Variants in GALNT17 observed in about 807,000 individuals in gnomAD.
The protein encoded by GALNT17 is UDP-GalNAc:polypeptide N-acetylgalactosaminyltransferase-like 3.
Under a neutral mutation model 63.7 loss-of-function variants are expected in GALNT17, and 29 were observed. The observed-to-expected ratio is 0.46, with a 90% CI of 0.34 to 0.62. The LOEUF (loss-of-function observed/expected upper bound fraction) is 0.62. Among genes scored for constraint, GALNT17 ranks in the 20% least tolerant of loss-of-function variants. The probability of loss-of-function intolerance (pLI) is 0.01; values close to 1 mark genes in which losing one functional copy is unlikely to be tolerated. For missense variants in GALNT17, 603 were observed against 799.6 expected, an observed-to-expected ratio of 0.75 and a Z score of 2.97; for synonymous variants, 305 against 318.3, an observed-to-expected ratio of 0.96 and a Z score of 0.45.
rs747181057 is a variant in GALNT17 at position 71,185,522 on chromosome 7, C to CTT, written c.238+52499_238+52500dup. Among the ~76,000 whole-genome samples the CTT allele has an allele frequency of 4.1e-3, 505 of 124,590 alleles. 9 individuals are homozygous for CTT. The highest frequency in any genetic ancestry group is 0.011 in the African/African-American group (349 of 31,996). The allele number at this position is 124,590 out of a possible 152,430, so 81.7% of individuals were successfully genotyped here. A position where few individuals can be genotyped will look rare whatever the true frequency, so the allele number is the denominator to read the frequency against. The stretch of plus-strand genomic sequence containing the variant: ...CCATTCTCTAATTTTCGTTTCTTTT[C>CTT]TTTTTTTTTTTTTTTTTTGAGACGG... On this transcript the variant is annotated intron_variant, in intron 1 of 10. Transcript: ENST00000333538.
chr7:71,137,169 T>C (rs1225561948), intron 1 of GALNT17, among the ~76,000 whole-genome samples: 2 of 145,132 alleles, frequency 1.4e-5, no homozygotes, highest in Non-Finnish European at 3.0e-5. Context: ...AGACAGAGTC[T>C]TGCTCTGTCA....
At chr7:71,150,516 C>CT (rs1039115599) in intron 1 of GALNT17, among the ~76,000 whole-genome samples, 282 of 141,402 alleles carry the variant, frequency 2.0e-3, no homozygotes, top group Middle Eastern at 3.7e-3. Flanking sequence ...TTTTCTTTTT[C>CT]TTTTTTTTTT....
intron 1 of GALNT17, among the ~76,000 whole-genome samples, chr7:71,161,313 G>A (rs1788337620): frequency 6.6e-6 from 1 of 152,180 alleles, no homozygotes; most frequent in Non-Finnish European, 1.5e-5. Flanking sequence ...GATTGGTAAT[G>A]AGATCGAATA....
intron 1 of GALNT17, among the ~76,000 whole-genome samples, chr7:71,219,784 T>C (rs1789550578): frequency 1.3e-5 from 2 of 152,192 alleles, no homozygotes; most frequent in South Asian, 4.1e-4. Flanking sequence ...CATATTTTTA[T>C]TTTCCTCAAA....
chr7:71,603,731 G>C (rs993954884), intron 6 of GALNT17, among the ~76,000 whole-genome samples: 1 of 151,680 alleles, frequency 6.6e-6, no homozygotes, highest in African/African-American at 2.4e-5. Flanking sequence ...TGCATACACT[G>C]GATACTATGC....
intron 1 of GALNT17, among the ~76,000 whole-genome samples, chr7:71,291,963 G>C (rs75855902): frequency 0.019 from 2,826 of 152,172 alleles, 30 homozygotes; most frequent in Middle Eastern, 0.034. Context: ...CAACAGAGTG[G>C]TTGGTTCATT....
At chr7:71,616,480 A>T (rs2116962361) in intron 6 of GALNT17, among the ~76,000 whole-genome samples, 1 of 147,440 alleles carries the variant, frequency 6.8e-6, no homozygotes, top group Admixed American at 6.8e-5. Flanking sequence ...TTATATACTA[A>T]TATATAACTA....
At chr7:71,555,037 G>C (rs1198052823) in intron 5 of GALNT17, among the ~76,000 whole-genome samples, 2 of 152,122 alleles carry the variant, frequency 1.3e-5, no homozygotes, top group Non-Finnish European at 2.9e-5. Flanking sequence ...AAGGGGAAGG[G>C]GGAGCCAGCA....
chr7:71,230,459 C>T (rs549359345), intron 1 of GALNT17, among the ~76,000 whole-genome samples: 1 of 152,248 alleles, frequency 6.6e-6, no homozygotes, highest in South Asian at 2.1e-4. Flanking sequence ...AGGAGAACAA[C>T]AGCTTTCTCT....
chr7:71,518,728 G>A (rs4645474), intron 5 of GALNT17, among the ~76,000 whole-genome samples: 151,138 of 152,286 alleles, frequency 0.99, 75,005 homozygotes, highest in East Asian at 1. Context: ...AACAACACAT[G>A]TTTTAAAAAA....
chr7:71,560,920 C>T (rs1789245250), intron 5 of GALNT17, among the ~76,000 whole-genome samples: 2 of 152,200 alleles, frequency 1.3e-5, no homozygotes. Context: ...AGGGCAACAT[C>T]TGCATTGGAC....
Position 71,438,802 on chromosome 7 carries a change from G to T in GALNT17, c.962+17697G>T, listed in dbSNP as rs10269635. Among the ~76,000 whole-genome samples, 563 of 151,638 alleles carry T rather than the reference G, an allele frequency of 3.7e-3. 2 individuals carry two copies. Among genetic ancestry groups the T allele is most frequent in the African/African-American group, 0.013 (538 of 41,356 alleles). ...TTGGTCTAGGTCATACAACCAAATA[G>T]TTATAACAAATAACCTGATCATTGG... On this transcript the variant is annotated intron_variant, in intron 5 of 10. Transcript: ENST00000333538.
intron 1 of GALNT17, among the ~76,000 whole-genome samples, chr7:71,267,633 G>A (rs1790514688): frequency 1.3e-5 from 2 of 152,114 alleles, no homozygotes; most frequent in African/African-American, 4.8e-5. Flanking sequence ...GTGTGTACTG[G>A]CTCTTTTATT....
intron 5 of GALNT17, among the ~76,000 whole-genome samples, chr7:71,551,707 A>G (rs559869965): frequency 1.3e-5 from 2 of 151,456 alleles, no homozygotes; most frequent in Admixed American, 6.6e-5. Flanking sequence ...ACATTGAGCT[A>G]TGATCACACC....
chr7:71,397,184 G>A lies in GALNT17; in HGVS notation c.589+8783G>A, dbSNP rs28434266. On this transcript the variant is annotated intron_variant, in intron 3 of 10. Coordinates refer to ENST00000333538, the MANE Select transcript of GALNT17 (RefSeq NM_022479.3). ...ATATCTCTTTTCCTACCATGTCAAG[G>A]ATGAGAACATTCACCCATATACCTT... Among the ~76,000 whole-genome samples, 641 of 151,952 alleles carry A rather than the reference G, an allele frequency of 4.2e-3. 4 individuals carry two copies. Among genetic ancestry groups the A allele is most frequent in the African/African-American group, 0.015 (613 of 41,434 alleles).
intron 2 of GALNT17, among the ~76,000 whole-genome samples, chr7:71,353,033 T>G (rs1160763853): frequency 6.6e-6 from 1 of 151,912 alleles, no homozygotes; most frequent in Non-Finnish European, 1.5e-5. Flanking sequence ...AAATGACTAC[T>G]CTGATGAATT....
At chr7:71,307,645 C>T (rs750978784) in intron 1 of GALNT17, 2 of 152,794 alleles carry the variant, frequency 1.3e-5, no homozygotes, top group South Asian at 2.1e-4. Context: ...CTCTGTGCTC[C>T]GTTAAGACCT....
chr7:71,206,243 G>T (rs896571244), intron 1 of GALNT17, among the ~76,000 whole-genome samples: 1 of 151,742 alleles, frequency 6.6e-6, no homozygotes, highest in Non-Finnish European at 1.5e-5. Flanking sequence ...TCAGCTCTGT[G>T]TGTGCAGTCT....
intron 2 of GALNT17, among the ~76,000 whole-genome samples, chr7:71,336,960 A>G (rs1401492649): frequency 6.6e-6 from 1 of 152,162 alleles, no homozygotes; most frequent in African/African-American, 2.4e-5. Flanking sequence ...CCAGCAGTGT[A>G]TAACCATTAC....
Sources: gnomAD v4.1 joint callset for allele counts (sites outside exome capture counted in the v4.1 genomes callset) on GRCh38, gnomAD v4.1.1 for gene constraint, MANE v1.5 for transcripts, NCBI Gene and HGNC (gene_info 2026-07-23, HGNC 2026-07-21) for gene names.